Variants in GLB1 observed in about 807,000 individuals in gnomAD.
GLB1 encodes the protein beta-galactosidase.
GLB1 carries 56 observed loss-of-function variants against 74.0 expected under a neutral mutation model. The observed-to-expected ratio is 0.76, with a 90% CI of 0.61 to 0.94. The LOEUF is 0.94. GLB1 is among the 40% of genes least tolerant of loss of function. The pLI is 0.00. For missense variants in GLB1, 787 were observed against 845.5 expected, an observed-to-expected ratio of 0.93 and a Z score of 0.86; for synonymous variants, 323 against 323.6, an observed-to-expected ratio of 1.00 and a Z score of 0.02.
intron 13 of GLB1, among the ~76,000 whole-genome samples, chr3:33,018,229 T>A (rs1697314833): frequency 7.6e-6 from 1 of 131,286 alleles, no homozygotes; most frequent in South Asian, 2.3e-4. Context: ...GAGGCTGCAG[T>A]GAGCTGTGAT....
chr3:33,093,041 G>C lies in GLB1; in HGVS notation c.75+3970C>G, dbSNP rs1008280799. On this transcript the variant is annotated intron_variant, in intron 1 of 15. Transcript: ENST00000307363. The surrounding 1 kb of genome is among the most constrained non-coding windows in gnomAD (Gnocchi z 6.0). The stretch of plus-strand genomic sequence containing the variant: ...CATGTGTGTGCCCAGAAAGGATCAG[G>C]TTAATATCTGGCCGAGCCTGGAGAG... 1 of 1,614,244 alleles carries C rather than the reference G, an allele frequency of 6.2e-7. No individual in the cohort carries two copies. The highest frequency in any genetic ancestry group is 1.3e-5 in the African/African-American group (1 of 75,074).
At chr3:33,083,164 G>A (rs1308393988) in intron 1 of GLB1, among the ~76,000 whole-genome samples, 5 of 152,094 alleles carry the variant, frequency 3.3e-5, no homozygotes, top group Non-Finnish European at 7.4e-5. Flanking sequence ...TTGGGAGGCC[G>A]AGGCAGGTGG....
the GLB1 span, among the ~76,000 whole-genome samples, chr3:32,982,681 T>C: frequency 6.6e-6 from 1 of 152,184 alleles, no homozygotes; most frequent in African/African-American, 2.4e-5. Flanking sequence ...GAATTTAATA[T>C]TTGTTTACAT....
intron 10 of GLB1, among the ~76,000 whole-genome samples, chr3:33,040,673 AAC>A (rs1342191574): frequency 1.3e-5 from 2 of 152,112 alleles, no homozygotes; most frequent in African/African-American, 4.8e-5. Flanking sequence ...TCAAAATCAC[AAC>A]ACACACGCAG....
downstream of GLB1, among the ~76,000 whole-genome samples, chr3:32,993,474 G>A (rs1387262961): frequency 2.7e-5 from 4 of 148,072 alleles, no homozygotes; most frequent in Non-Finnish European, 5.9e-5. Context: ...TCCTACCTCA[G>A]CCTCTTGAGT....
intron 13 of GLB1, 41 bp downstream of exon 13, chr3:33,018,407 C>A (rs1245321319): frequency 5.6e-6 from 9 of 1,595,886 alleles, no homozygotes; most frequent in Non-Finnish European, 6.8e-6. Flanking sequence ...TCATCCCCAC[C>A]CTCACTGGGA....
rs902473320 is a variant in GLB1, at chr3:33,082,241, C to A, written c.76-9528G>T. Reference sequence around the variant, plus strand: ...GGAGCCTTGGCCCCAGTCCTTTTCACAGAGAGTCCAACAAATCAGAGGATC... The same window carrying A: ...GGAGCCTTGGCCCCAGTCCTTTTCAAAGAGAGTCCAACAAATCAGAGGATC... On this transcript the variant is annotated intron_variant, in intron 1 of 15. Transcript: ENST00000307363. 7.9e-5 allele frequency among the ~76,000 whole-genome samples: 12 copies of A among 151,942 alleles called. No individual in the cohort carries two copies. In the East Asian group the frequency reaches 2.3e-3, roughly 29 times the overall value.
chr3:33,002,043 C>T (rs1042449115), intron 15 of GLB1, among the ~76,000 whole-genome samples: 1 of 151,906 alleles, frequency 6.6e-6, no homozygotes, highest in Non-Finnish European at 1.5e-5. Flanking sequence ...AAAGTAGATA[C>T]ACTCTTAATG....
At chr3:33,083,420 G>T (rs1700394542) in intron 1 of GLB1, among the ~76,000 whole-genome samples, 1 of 146,956 alleles carries the variant, frequency 6.8e-6, no homozygotes, top group Non-Finnish European at 1.5e-5. Context: ...AAAAAAAAGT[G>T]GGAATAGGAG....
chr3:33,006,433 A>T (rs536389759), intron 15 of GLB1, among the ~76,000 whole-genome samples: 2 of 151,906 alleles, frequency 1.3e-5, no homozygotes, highest in African/African-American at 4.8e-5. Flanking sequence ...CCCACCCCTG[A>T]CCACACAGTC....
chr3:33,014,184 C>G lies in GLB1; in HGVS notation c.1606G>C (p.Asp536His), dbSNP rs749577111. The change falls in exon 15 of 16, where the codon GAT becomes CAT. Residue 536 changes from aspartate (D) to histidine (H), a missense_variant. Physicochemically the swap from Asp to His is moderately conservative, Grantham distance 81. Transcript: ENST00000307363. ...GATGAGTTGTGGGCCCAGGCTTCAT[C>G]ATGGTGGCCACTGTCACGGTGTCCC... ...GWGHRDSGHH[D>H]EAWAHNSSNY... The G allele has an allele frequency of 1.2e-6, 2 of 1,614,144 alleles. No homozygotes were observed. The highest frequency in any genetic ancestry group is 2.2e-5 in the South Asian group (2 of 91,072).
At chr3:33,049,947 G>A (rs1698907302) in intron 9 of GLB1, among the ~76,000 whole-genome samples, 1 of 152,138 alleles carries the variant, frequency 6.6e-6, no homozygotes. Context: ...CAGTTCAAAG[G>A]AGAAACTTCA....
At chr3:33,091,477 T>A (rs981020317) in intron 1 of GLB1, 1 of 985,384 alleles carries the variant, frequency 1.0e-6, no homozygotes, top group African/African-American at 1.7e-5. Flanking sequence ...GACTGGCTGC[T>A]CCATGAATCC....
chr3:33,034,726 G>A, intron 10 of GLB1: 2 of 700,434 alleles, frequency 2.9e-6, no homozygotes, highest in East Asian at 3.0e-5. Context: ...TGGTTGATGG[G>A]CAGTGGGTGT....
At chr3:33,026,712 G>T (rs1041801806) in intron 10 of GLB1, among the ~76,000 whole-genome samples, 1 of 152,114 alleles carries the variant, frequency 6.6e-6, no homozygotes. Context: ...AGAGACAAGG[G>T]GAGACAATCA....
chr3:33,078,838 A>G (rs1700221213), intron 1 of GLB1, among the ~76,000 whole-genome samples: 1 of 152,044 alleles, frequency 6.6e-6, no homozygotes, highest in Non-Finnish European at 1.5e-5. Flanking sequence ...TTTATTTACT[A>G]TTATAATTTT....
chr3:33,053,120 C>T (rs957907372), intron 7 of GLB1, among the ~76,000 whole-genome samples: 1 of 152,176 alleles, frequency 6.6e-6, no homozygotes, highest in African/African-American at 2.4e-5. Context: ...CCGGCTTAGC[C>T]ACACACTGGC....
intron 6 of GLB1, 96 bp downstream of exon 6, chr3:33,057,993 A>G: frequency 1.3e-6 from 2 of 1,493,728 alleles, no homozygotes; most frequent in Non-Finnish European, 9.2e-7. Context: ...AAAAATCTCA[A>G]TCTGCCCATG....
chr3:33,010,080 C>A (rs1428465072), intron 15 of GLB1, among the ~76,000 whole-genome samples: 1 of 152,118 alleles, frequency 6.6e-6, no homozygotes, highest in Non-Finnish European at 1.5e-5. Flanking sequence ...TTTATGTGAA[C>A]ATGTTTTCCT....
Sources: allele counts gnomAD v4.1 joint callset (sites outside exome capture counted in the v4.1 genomes callset), GRCh38; gene constraint gnomAD v4.1.1; non-coding constraint Gnocchi (gnomAD v3.1); transcripts MANE v1.5; gene names NCBI Gene and HGNC (gene_info 2026-07-23, HGNC 2026-07-21).